Variants in SYT14 observed in about 807,000 individuals in gnomAD.
SYT14 encodes synaptotagmin 14.
In SYT14, 32 loss-of-function variants were observed where a neutral mutation model predicts 74.2. The ratio of observed to expected loss-of-function variants is 0.43; its 90% CI spans 0.33 to 0.58. The LOEUF is 0.58. Ranked by LOEUF, SYT14 falls within the 20% of genes least tolerant of loss-of-function variation. The pLI is 0.05. For missense variants in SYT14, 791 were observed against 981.8 expected (o/e 0.81, Z 2.60); for synonymous variants, 298 against 337.7 (o/e 0.88, Z 1.29).
At chr1:209,938,347 C>T in intron 1 of SYT14, 70 bp downstream of exon 1, 1 of 1,479,576 alleles carries the variant, frequency 6.8e-7, no homozygotes, top group Admixed American at 2.0e-5. Context: ...GGAGGTGCGC[C>T]GGCAGGCCGA....
intron 2 of SYT14, among the ~76,000 whole-genome samples, chr1:209,995,288 A>G (rs1156442729): frequency 6.6e-6 from 1 of 152,196 alleles, no homozygotes; most frequent in Admixed American, 6.5e-5. Flanking sequence ...AAGGAAAGGG[A>G]TGGAGAAAGA....
intron 5 of SYT14, among the ~76,000 whole-genome samples, chr1:210,023,168 G>A (rs367916927): frequency 6.6e-6 from 1 of 152,060 alleles, no homozygotes; most frequent in South Asian, 2.1e-4. Flanking sequence ...AAAAGCTTTC[G>A]TGAACGCTTT....
At chr1:210,076,231 AC>A (rs2081498202) in intron 5 of SYT14, among the ~76,000 whole-genome samples, 1 of 152,148 alleles carries the variant, frequency 6.6e-6, no homozygotes, top group Non-Finnish European at 1.5e-5. Flanking sequence ...ACTAGGTGGA[AC>A]CCCAAAAAAG....
At chr1:210,028,935 T>C (rs907109866) in intron 5 of SYT14, among the ~76,000 whole-genome samples, 2 of 152,174 alleles carry the variant, frequency 1.3e-5, no homozygotes, top group African/African-American at 2.4e-5. Context: ...CCAACACTTA[T>C]TATTGTCTGT....
chr1:209,962,443 G>A (rs761137794), intron 2 of SYT14, among the ~76,000 whole-genome samples: 1 of 151,728 alleles, frequency 6.6e-6, no homozygotes, highest in Non-Finnish European at 1.5e-5. Context: ...ATAGAGCCTC[G>A]GTAGTAGCAG....
In SYT14 at chr1:210,141,518, A is replaced by G. The variant is rs890150250; in HGVS notation, c.2035-14203A>G. On this transcript the variant is annotated intron_variant, in intron 7 of 9. Coordinates refer to ENST00000637265, the Ensembl canonical transcript of SYT14. ...TTCTGATTCTTCACTTCCAATCTGAATGCCTTGACAAAGACATTCTCCTAG... is the reference window on the plus strand; with the variant it reads ...TTCTGATTCTTCACTTCCAATCTGAGTGCCTTGACAAAGACATTCTCCTAG... Among the ~76,000 whole-genome samples, 4 of 152,276 alleles carry G rather than the reference A, an allele frequency of 2.6e-5. No individual in the cohort carries two copies. In the East Asian group the frequency reaches 7.7e-4, roughly 29 times the overall value.
intron 7 of SYT14, among the ~76,000 whole-genome samples, chr1:210,108,552 G>T (rs2082200405): frequency 6.6e-6 from 1 of 152,068 alleles, no homozygotes. Flanking sequence ...TATTTGGAAA[G>T]TGAGGGTTTA....
intron 7 of SYT14, among the ~76,000 whole-genome samples, chr1:210,102,896 T>C (rs1036738914): frequency 6.6e-6 from 1 of 152,082 alleles, no homozygotes; most frequent in Non-Finnish European, 1.5e-5. Context: ...CAGGCTAGTC[T>C]TGAACTCCTG....
chr1:210,004,179 T>G (rs1042178971), intron 2 of SYT14, among the ~76,000 whole-genome samples: 2 of 152,134 alleles, frequency 1.3e-5, no homozygotes, highest in Non-Finnish European at 2.9e-5. Context: ...AGTGTTTGGC[T>G]CCTAATGGTG....
exon 6 of SYT14, chr1:210,094,514 G>A: frequency 6.2e-7 from 1 of 1,613,740 alleles, no homozygotes; most frequent in South Asian, 1.1e-5. Context: ...GGAAGCACAG[G>A]TCATGAAATA....
intron 7 of SYT14, among the ~76,000 whole-genome samples, chr1:210,140,762 T>C (rs1482621538): frequency 6.6e-6 from 1 of 152,166 alleles, no homozygotes; most frequent in East Asian, 1.9e-4. Flanking sequence ...AAAATCTTTT[T>C]TTCATTTATT....
chr1:210,161,313 A>T (rs1049427763), exon 10 of SYT14: 1 of 557,426 alleles, frequency 1.8e-6, no homozygotes, highest in Admixed American at 2.2e-5. Flanking sequence ...GATGTTTTTG[A>T]TTTGAAGTTA....
At chr1:210,102,146 A>G (rs923353037) in intron 7 of SYT14, among the ~76,000 whole-genome samples, 1 of 152,084 alleles carries the variant, frequency 6.6e-6, no homozygotes, top group African/African-American at 2.4e-5. Context: ...CAGGTTTGTT[A>G]TATAGGTAAA....
At chr1:209,951,043 G>A (rs1260948120) in intron 1 of SYT14, among the ~76,000 whole-genome samples, 5 of 152,164 alleles carry the variant, frequency 3.3e-5, no homozygotes, top group African/African-American at 1.2e-4. Flanking sequence ...GGGGTACAAT[G>A]TGATGTTTTG....
At chr1:209,943,275 G>A (rs866134030) in intron 1 of SYT14, among the ~76,000 whole-genome samples, 22 of 151,972 alleles carry the variant, frequency 1.4e-4, no homozygotes, top group African/African-American at 4.6e-4. Context: ...AGGCCGAGGC[G>A]GGCAGATCAG....
At chr1:210,083,944 A>G (rs959965125) in intron 5 of SYT14, among the ~76,000 whole-genome samples, 1 of 152,144 alleles carries the variant, frequency 6.6e-6, no homozygotes, top group African/African-American at 2.4e-5. Context: ...GTCCCAAGCA[A>G]TCCTCCCACC....
intron 5 of SYT14, among the ~76,000 whole-genome samples, chr1:210,023,670 A>G (rs2102964013): frequency 6.6e-6 from 1 of 152,318 alleles, no homozygotes; most frequent in Non-Finnish European, 1.5e-5. Context: ...AAAAATAAAA[A>G]AAGATACAGA....
rs1236329963 is a variant in SYT14 at position 210,122,229 on chromosome 1, C to T, written c.2034+21768C>T. Reference sequence around the variant, plus strand: ...TCCTGACCTCGTGATCCGCCCGCCTCGGCCTCCCAAAGTGCTGGGATTACA... The same window carrying T: ...TCCTGACCTCGTGATCCGCCCGCCTTGGCCTCCCAAAGTGCTGGGATTACA... On this transcript the variant is annotated intron_variant, in intron 7 of 9. Transcript: ENST00000637265. Among the ~76,000 whole-genome samples the T allele has an allele frequency of 2.1e-4, 4 of 18,936 alleles. 1 individual carries two copies. The highest frequency in any genetic ancestry group is 8.5e-5 in the Non-Finnish European group (1 of 11,812). 12.4% of individuals were successfully genotyped at this position (18,936 alleles called of 152,430 possible).
At chr1:210,073,752 T>C (rs1381501339) in intron 5 of SYT14, among the ~76,000 whole-genome samples, 1 of 152,042 alleles carries the variant, frequency 6.6e-6, no homozygotes, top group Non-Finnish European at 1.5e-5. Context: ...ATAAAACAAA[T>C]ATAAAAACAA....
Sources: allele counts gnomAD v4.1 joint callset (sites outside exome capture counted in the v4.1 genomes callset), GRCh38; gene constraint gnomAD v4.1.1; transcripts MANE v1.5; gene names NCBI Gene and HGNC (gene_info 2026-07-23, HGNC 2026-07-21).